The following PCDHGA9 variants were observed in gnomAD, a reference collection of about 807,000 sequenced individuals.
PCDHGA9 encodes protocadherin gamma-A9.
Under a neutral mutation model 62.5 loss-of-function variants are expected in PCDHGA9, and 37 were observed. That is an observed-to-expected ratio of 0.59 (90% CI 0.46 to 0.78). The LOEUF (loss-of-function observed/expected upper bound fraction) is 0.78. Ranked by LOEUF, PCDHGA9 falls within the 30% of genes least tolerant of loss-of-function variation. The pLI is 0.00. For synonymous variants in PCDHGA9, 459 were observed against 484.6 expected, an observed-to-expected ratio of 0.95 and a Z score of 0.69; for missense variants, 1,138 against 1,166.2, an observed-to-expected ratio of 0.98 and a Z score of 0.35.
At chr5:141,411,319 C>T (rs532552346) in intron 1 of PCDHGA9, 1 of 152,262 alleles carries the variant, frequency 6.6e-6, no homozygotes, top group South Asian at 2.1e-4. Flanking sequence ...CCTATAATCA[C>T]AGCACTTTGA....
intron 1 of PCDHGA9, among the ~76,000 whole-genome samples, chr5:141,460,536 G>A (rs911670681): frequency 2.0e-5 from 3 of 152,092 alleles, no homozygotes; most frequent in African/African-American, 7.2e-5. Flanking sequence ...AATAATCTTA[G>A]CACCTTAATC....
Position 141,440,827 on chromosome 5 carries a change from A to G in PCDHGA9, c.2424+35451A>G, listed in dbSNP as rs570022849. 7 of 152,196 alleles carry G rather than the reference A, an allele frequency of 4.6e-5. 1 individual carries two copies. The highest frequency in any genetic ancestry group is 1.4e-4 in the African/African-American group (6 of 41,526). 9.4% of individuals were successfully genotyped at this position (152,196 alleles called of 1,614,324 possible). A position where few individuals can be genotyped will look rare whatever the true frequency, so the allele number is the denominator to read the frequency against. ...GCAGCATCACTCAACTCCTGATCCT[A>G]TTGGTTGAAGCCAATGACAACCCTG... On this transcript the variant is annotated intron_variant, in intron 1 of 3. Transcript: ENST00000573521.
At chr5:141,409,039 C>A (rs2095214342) in intron 1 of PCDHGA9, 1 of 1,614,004 alleles carries the variant, frequency 6.2e-7, no homozygotes, top group Non-Finnish European at 8.5e-7. Flanking sequence ...AGATAAACTA[C>A]TACTTCCGAA....
chr5:141,485,980 G>C lies in PCDHGA9; in HGVS notation c.2425-8827G>C, dbSNP rs151239937. 1 of 1,614,020 alleles carries C rather than the reference G, an allele frequency of 6.2e-7. No individual in the cohort carries two copies. The highest frequency in any genetic ancestry group is 1.3e-5 in the African/African-American group (1 of 74,914). The stretch of plus-strand genomic sequence containing the variant: ...TCATCCAGCTCAATGCCTCAGACCC[G>C]GACCTGGGTCCCAGTGGTAACGTCA... On this transcript the variant is annotated intron_variant, in intron 1 of 3. Transcript: ENST00000573521. The surrounding 1 kb of genome is among the most constrained non-coding windows in gnomAD (Gnocchi z 5.7).
At chr5:141,509,805 G>A (rs150684746) in intron 3 of PCDHGA9, among the ~76,000 whole-genome samples, 2 of 152,248 alleles carry the variant, frequency 1.3e-5, no homozygotes, top group Middle Eastern at 3.4e-3. Flanking sequence ...GCTTCATAGA[G>A]CCGAGCTCTT....
Position 141,489,791 on chromosome 5 carries a change from C to G in PCDHGA9, c.2425-5016C>G. ...AGCCACTTCTCTCTGAATGTGAAGA[C>G]CCTAAAAGATGGGAAGCCATTCCCA... On this transcript the variant is annotated intron_variant, in intron 1 of 3. Transcript: ENST00000573521. The surrounding 1 kb of genome is among the most constrained non-coding windows in gnomAD (Gnocchi z 4.5). 2 of 1,614,174 alleles carry G rather than the reference C, an allele frequency of 1.2e-6. No individual in the cohort carries two copies. The highest frequency in any genetic ancestry group is 1.7e-6 in the Non-Finnish European group (2 of 1,180,002).
Position 141,420,255 on chromosome 5 carries a change from A to T in PCDHGA9, c.2424+14879A>T, listed in dbSNP as rs917458059. The T allele has an allele frequency of 2.5e-6, 4 of 1,569,630 alleles. No homozygotes were observed. The highest frequency in any genetic ancestry group is 1.4e-5 in the African/African-American group (1 of 73,152). On this transcript the variant is annotated intron_variant, in intron 1 of 3. Coordinates refer to ENST00000573521, the MANE Select transcript of PCDHGA9 (RefSeq NM_018921.3). ...ATTTTAACTCCCAGCGTTGAAGCAG[A>T]TAAGAAGATTCTTAAACAGGTAAGT...
chr5:141,482,472 CTG>C (rs2099561247), intron 1 of PCDHGA9, among the ~76,000 whole-genome samples: 2 of 136,856 alleles, frequency 1.5e-5, no homozygotes, highest in Non-Finnish European at 3.0e-5. Context: ...GTGCCAGACA[CTG>C]TAAACAATTA....
At chr5:141,505,767 AGGTCCTAGCTCT>A (rs2099848180) in intron 3 of PCDHGA9, among the ~76,000 whole-genome samples, 1 of 151,756 alleles carries the variant, frequency 6.6e-6, no homozygotes, top group Non-Finnish European at 1.5e-5. Context: ...AGTGTAGCTC[AGGTCCTAGCTCT>A]GCTACTATCC....
At chr5:141,421,894 C>A in intron 1 of PCDHGA9, 3 of 1,613,704 alleles carry the variant, frequency 1.9e-6, no homozygotes, top group Non-Finnish European at 2.5e-6. Context: ...CGATCCCATC[C>A]GAAAGGGCGC....
In PCDHGA9 at chr5:141,405,099, T is replaced by C; in HGVS notation, c.2147T>C (p.Leu716Pro). ...GTTATCACGCTGCTGGCCCTCAGGC[T>C]GAGGCACTGGCACTCCTCGCATCTG... ...TFVITLLALRLRHWHSSHLLR... is the reference protein window; with the variant it reads ...TFVITLLALRPRHWHSSHLLR... Residue 716 changes from leucine to proline, a missense_variant, in exon 1 of 4, where the codon CTG becomes CCG. Physicochemically the swap from Leu to Pro is moderately conservative, Grantham distance 98. Coordinates refer to ENST00000573521, the MANE Select transcript of PCDHGA9 (RefSeq NM_018921.3). 1 of 1,613,942 alleles carries C rather than the reference T, an allele frequency of 6.2e-7. No individual in the cohort carries two copies. The highest frequency in any genetic ancestry group is 2.2e-5 in the East Asian group (1 of 44,874).
intron 1 of PCDHGA9, chr5:141,424,529 A>G (rs1308118953): frequency 6.6e-6 from 1 of 152,218 alleles, no homozygotes; most frequent in Non-Finnish European, 1.5e-5. Context: ...AAATCCATAT[A>G]TAGAAATAAC....
In PCDHGA9 at chr5:141,486,585, GGGA is replaced by G; in HGVS notation, c.2425-8221_2425-8219del. The G allele has an allele frequency of 6.2e-7, 1 of 1,613,708 alleles. No individual in the cohort carries two copies. Among genetic ancestry groups the G allele is most frequent in the Non-Finnish European group, 8.5e-7 (1 of 1,180,024 alleles). On this transcript the variant is annotated intron_variant, in intron 1 of 3. Transcript: ENST00000573521. This position sits in a 1 kb window ranked among gnomAD's most constrained non-coding sequence, Gnocchi z 5.0. ...TTTGTTCCTGAGAACAATCGCCCAG[GGGA>G]CCTGCTTTGCTCCCTTGCAGCCTCT...
intron 1 of PCDHGA9, among the ~76,000 whole-genome samples, chr5:141,469,392 T>C (rs2099199760): frequency 6.6e-6 from 1 of 152,046 alleles, no homozygotes; most frequent in South Asian, 2.1e-4. Flanking sequence ...CTGGCCAACA[T>C]GGTGAAACCC....
At chr5:141,506,934 G>A (rs187503673) in intron 3 of PCDHGA9, among the ~76,000 whole-genome samples, 54 of 152,232 alleles carry the variant, frequency 3.5e-4, no homozygotes, top group African/African-American at 1.3e-3. Flanking sequence ...AAACTTTAGG[G>A]GCCTCCTGTC....
At position 141,489,384 on chromosome 5, in the gene PCDHGA9, T is replaced by G; in HGVS notation, c.2425-5423T>G. The G allele has an allele frequency of 6.2e-7, 1 of 1,613,986 alleles. No individual in the cohort carries two copies. The highest frequency in any genetic ancestry group is 1.3e-5 in the African/African-American group (1 of 75,042). On this transcript the variant is annotated intron_variant, in intron 1 of 3. Transcript: ENST00000573521. This position sits in a 1 kb window ranked among gnomAD's most constrained non-coding sequence, Gnocchi z 4.5. ...AGCCGGGGACGCTGGTGGGGAATGT[T>G]GCTCAGGATCTGGGCTTAAAGATGA...
chr5:141,420,905 T>TA (rs545324172), intron 1 of PCDHGA9: 3 of 299,970 alleles, frequency 1.0e-5, no homozygotes, highest in Non-Finnish European at 1.9e-5. Flanking sequence ...GCTCTACAAA[T>TA]ACGTGTGATT....
At chr5:141,418,131 A>C (rs1421799777) in intron 1 of PCDHGA9, 1 of 1,614,044 alleles carries the variant, frequency 6.2e-7, no homozygotes, top group East Asian at 2.2e-5. Flanking sequence ...GACCGAATAG[A>C]CCGTGAGCAA....
rs1050545030 is a variant in PCDHGA9, at chr5:141,410,711, A to G, written c.2424+5335A>G. The G allele has an allele frequency of 4.2e-6, 6 of 1,436,568 alleles. No individual in the cohort carries two copies. In the African/African-American group the frequency reaches 7.6e-5, roughly 18 times the overall value. The allele number at this position is 1,436,568 out of a possible 1,614,324, so 89.0% of individuals were successfully genotyped here. A position where few individuals can be genotyped will look rare whatever the true frequency, so the allele number is the denominator to read the frequency against. ...CTACTTTATTTTCATATCTAGAATC[A>G]TATGTTTAAAATCCATAGCTTTTTA... On this transcript the variant is annotated intron_variant, in intron 1 of 3. Transcript: ENST00000573521.
Sources: gnomAD v4.1 joint callset for allele counts (sites outside exome capture counted in the v4.1 genomes callset) on GRCh38, gnomAD v4.1.1 for gene constraint, Gnocchi (gnomAD v3.1) non-coding constraint, MANE v1.5 for transcripts, NCBI Gene and HGNC (gene_info 2026-07-23, HGNC 2026-07-21) for gene names.